The following SPAG16 variants were observed in gnomAD, a reference collection of about 807,000 sequenced individuals.
SPAG16 encodes the protein sperm-associated antigen 16 protein.
A neutral mutation model predicts 80.4 loss-of-function variants in SPAG16; 86 were observed. That is an observed-to-expected ratio of 1.07 (90% confidence interval 0.90 to 1.28). The LOEUF (loss-of-function observed/expected upper bound fraction) is 1.28. SPAG16 is among the 50% of genes most tolerant of loss of function. SPAG16 has a pLI of 0.00. For missense variants in SPAG16, 870 were observed against 765.3 expected (o/e 1.14, Z -1.61); for synonymous variants, 294 against 265.9 (o/e 1.11, Z -1.03).
intron 5 of SPAG16, among the ~76,000 whole-genome samples, chr2:213,322,444 TC>T (rs2063667421): frequency 6.6e-6 from 1 of 151,980 alleles, no homozygotes; most frequent in South Asian, 2.1e-4. Context: ...TTTCACTTTT[TC>T]TCAGTTGGCC....
At chr2:213,909,835 C>G (rs376009997) in intron 11 of SPAG16, among the ~76,000 whole-genome samples, 1 of 152,190 alleles carries the variant, frequency 6.6e-6, no homozygotes, top group Non-Finnish European at 1.5e-5. Context: ...AACCCTCATA[C>G]AGCCAGAAGT....
chr2:214,259,708 C>T (rs1690993987), intron 15 of SPAG16, among the ~76,000 whole-genome samples: 1 of 151,780 alleles, frequency 6.6e-6, no homozygotes, highest in African/African-American at 2.4e-5. Context: ...TGTTTTTGTA[C>T]TTTGTTTTTG....
chr2:213,856,836 CA>C (rs1180674159), intron 10 of SPAG16, among the ~76,000 whole-genome samples: 1 of 133,228 alleles, frequency 7.5e-6, no homozygotes, highest in East Asian at 2.5e-4. Context: ...AAGCTATCTC[CA>C]TAACATAAAA....
intron 10 of SPAG16, among the ~76,000 whole-genome samples, chr2:213,663,821 T>C (rs114236831): frequency 0.02 from 3,062 of 152,180 alleles, 86 homozygotes; most frequent in African/African-American, 0.059. Context: ...ACAAAAACTT[T>C]AATGGAATAA....
chr2:213,718,944 A>G (rs2066384037), intron 10 of SPAG16, among the ~76,000 whole-genome samples: 1 of 152,246 alleles, frequency 6.6e-6, no homozygotes, highest in Admixed American at 6.5e-5. Flanking sequence ...AGGTGAAGCC[A>G]GCTGGGCTCC....
chr2:213,792,491 G>A (rs1224112070), intron 10 of SPAG16, among the ~76,000 whole-genome samples: 1 of 149,388 alleles, frequency 6.7e-6, no homozygotes, highest in African/African-American at 2.5e-5. Context: ...TTGTAAACAT[G>A]TTCTCCTCTC....
chr2:213,526,293 G>A (rs1001237304), intron 10 of SPAG16, among the ~76,000 whole-genome samples: 6 of 152,076 alleles, frequency 3.9e-5, no homozygotes, highest in African/African-American at 1.4e-4. Context: ...GACTATGGAA[G>A]TACTATTTTC....
At position 213,416,356 on chromosome 2, in the gene SPAG16, C is replaced by T. The variant is rs541744345; in HGVS notation, c.942+41237C>T. Reference sequence around the variant, plus strand: ...GACCAGATCTTTGTATGATGAGACTCGGGGTAGGGTCCCAGCAGTCATAAA... The same window carrying T: ...GACCAGATCTTTGTATGATGAGACTTGGGGTAGGGTCCCAGCAGTCATAAA... On this transcript the variant is annotated intron_variant, in intron 9 of 15. Transcript: ENST00000331683. Among the ~76,000 whole-genome samples, 115 of 152,262 alleles carry T rather than the reference C, an allele frequency of 7.6e-4. 2 individuals carry two copies. The South Asian group carries it at 0.021, about 27-fold the overall frequency.
At chr2:213,913,706 T>G (rs889240420) in intron 11 of SPAG16, among the ~76,000 whole-genome samples, 1 of 151,860 alleles carries the variant, frequency 6.6e-6, no homozygotes. Flanking sequence ...CATGTGTGTA[T>G]GCATATATAT....
At chr2:213,573,772 A>G (rs1055908670) in intron 10 of SPAG16, among the ~76,000 whole-genome samples, 3 of 152,190 alleles carry the variant, frequency 2.0e-5, no homozygotes, top group Non-Finnish European at 2.9e-5. Context: ...GCTGGTACAA[A>G]CAAAGATTTG....
At chr2:213,787,364 A>G (rs1367551405) in intron 10 of SPAG16, among the ~76,000 whole-genome samples, 1 of 152,186 alleles carries the variant, frequency 6.6e-6, no homozygotes. Flanking sequence ...ACCAAGAGCT[A>G]CTAAGCTACT....
intron 9 of SPAG16, among the ~76,000 whole-genome samples, chr2:213,408,206 G>A (rs190724235): frequency 2.6e-5 from 4 of 152,240 alleles, no homozygotes; most frequent in Admixed American, 6.5e-5. Flanking sequence ...GGTCTTCTCC[G>A]TGACCCTGCA....
At chr2:214,258,110 C>A (rs1413829607) in intron 15 of SPAG16, among the ~76,000 whole-genome samples, 7 of 151,736 alleles carry the variant, frequency 4.6e-5, no homozygotes, top group African/African-American at 7.3e-5. Flanking sequence ...TTTTTCATTT[C>A]AGTAGGTTTG....
chr2:214,190,779 C>T (rs1047284701), intron 15 of SPAG16, among the ~76,000 whole-genome samples: 7 of 152,052 alleles, frequency 4.6e-5, no homozygotes, highest in African/African-American at 1.7e-4. Flanking sequence ...AAGAAGGTGG[C>T]CTTCTGCAAA....
chr2:213,308,350 G>A (rs962517332), intron 3 of SPAG16, among the ~76,000 whole-genome samples: 6 of 152,166 alleles, frequency 3.9e-5, no homozygotes, highest in African/African-American at 1.4e-4. Flanking sequence ...CTGCTAAGAT[G>A]TTCTGTCAGA....
At chr2:213,499,976 T>C (rs2074667943) in intron 10 of SPAG16, among the ~76,000 whole-genome samples, 1 of 152,182 alleles carries the variant, frequency 6.6e-6, no homozygotes, top group Admixed American at 6.5e-5. Context: ...CCTCATCTAT[T>C]TGGCCTTCTC....
chr2:213,825,393 G>C (rs2073211718), intron 10 of SPAG16, among the ~76,000 whole-genome samples: 1 of 151,998 alleles, frequency 6.6e-6, no homozygotes, highest in Non-Finnish European at 1.5e-5. Flanking sequence ...GTTGAGGTAT[G>C]TTCCTTCTAT....
intron 15 of SPAG16, among the ~76,000 whole-genome samples, chr2:214,183,694 T>C (rs1009999599): frequency 6.6e-6 from 1 of 152,068 alleles, no homozygotes; most frequent in Admixed American, 6.6e-5. Context: ...CTGTCTCATT[T>C]TAGCTCAGCT....
At chr2:213,754,620 C>G (rs1263131993) in intron 10 of SPAG16, among the ~76,000 whole-genome samples, 1 of 152,068 alleles carries the variant, frequency 6.6e-6, no homozygotes. Flanking sequence ...AAAAAACTTT[C>G]ATATTTTAAA....
Sources: allele counts gnomAD v4.1 joint callset (sites outside exome capture counted in the v4.1 genomes callset), GRCh38; gene constraint gnomAD v4.1.1; transcripts MANE v1.5; gene names NCBI Gene and HGNC (gene_info 2026-07-23, HGNC 2026-07-21).